The following ALG8 variants were observed in gnomAD, a reference collection of about 807,000 sequenced individuals.
ALG8 encodes dolichyl pyrophosphate Glc1Man9GlcNAc2 alpha-1,3-glucosyltransferase.
A neutral mutation model predicts 70.2 loss-of-function variants in ALG8; 48 were observed. The observed-to-expected ratio is 0.68, with a 90% CI of 0.54 to 0.87. The LOEUF (loss-of-function observed/expected upper bound fraction) is 0.87. ALG8 is among the 40% of genes least tolerant of loss of function. The pLI is 0.00. For synonymous variants in ALG8, 234 were observed against 229.0 expected (o/e 1.02, Z -0.20); for missense variants, 572 against 608.7 (o/e 0.94, Z 0.64).
In ALG8 at chr11:78,113,727, A is replaced by C. The variant is rs12420029; in HGVS notation, c.777+159T>G. On this transcript the variant is annotated intron_variant, in intron 7 of 12. Transcript: ENST00000299626. ...GACTCCATCTTAAACAAAAACAAAA[A>C]AAAAAAAGGAATACTGCCCTATCTT... Among the ~76,000 whole-genome samples the C allele has an allele frequency of 1.3e-4, 19 of 151,656 alleles. No individual in the cohort carries two copies. The East Asian group carries it at 1.6e-3, about 12-fold the overall frequency.
At chr11:78,123,225 G>C (rs573238865) in intron 3 of ALG8, among the ~76,000 whole-genome samples, 32 of 143,278 alleles carry the variant, frequency 2.2e-4, no homozygotes, top group African/African-American at 8.0e-4. Context: ...AGAACTGCTT[G>C]AACCCGAGAG....
chr11:78,120,240 C>A (rs1214344233), intron 4 of ALG8, among the ~76,000 whole-genome samples: 1 of 152,066 alleles, frequency 6.6e-6, no homozygotes, highest in South Asian at 2.1e-4. Context: ...GTTTTTCCTA[C>A]CTTTTCTACC....
intron 1 of ALG8, among the ~76,000 whole-genome samples, chr11:78,137,995 G>A (rs1382562894): frequency 1.3e-5 from 2 of 152,134 alleles, no homozygotes; most frequent in African/African-American, 4.8e-5. Flanking sequence ...TCCTGTACAT[G>A]TGCTGCCAAA....
rs571884977 is a variant in ALG8 at position 78,112,546 on chromosome 11, C to T, written c.898+104G>A. Reference sequence around the variant, plus strand: ...AAAGCTGAAATGCAGGACTGGAGAACAAACAATTCAGCCACATTCAAAACA... The same window carrying T: ...AAAGCTGAAATGCAGGACTGGAGAATAAACAATTCAGCCACATTCAAAACA... On this transcript the variant is annotated intron_variant, in intron 8 of 12. Coordinates refer to ENST00000299626, the MANE Select transcript of ALG8 (RefSeq NM_024079.5). 1.9e-6 allele frequency: 3 copies of T among 1,552,672 alleles called. No homozygotes were observed. The East Asian group carries it at 7.0e-5, about 36-fold the overall frequency.
At chr11:78,104,100 G>C (rs370443064) in intron 11 of ALG8, 48 bp from the exon 12 acceptor site, 43 of 1,186,040 alleles carry the variant, frequency 3.6e-5, no homozygotes, top group Non-Finnish European at 1.5e-5. Context: ...ATGACAGAAA[G>C]ACTTATGATG....
At chr11:78,136,245 T>G (rs1180452525) in intron 1 of ALG8, among the ~76,000 whole-genome samples, 1 of 151,904 alleles carries the variant, frequency 6.6e-6, no homozygotes, top group Non-Finnish European at 1.5e-5. Context: ...AAGGGCTCAC[T>G]TGAGCCCAGG....
At chr11:78,131,634 C>T (rs1861313600) in intron 1 of ALG8, among the ~76,000 whole-genome samples, 1 of 151,940 alleles carries the variant, frequency 6.6e-6, no homozygotes, top group Non-Finnish European at 1.5e-5. Context: ...CCAGCTAATT[C>T]TTTGTATTTT....
intron 8 of ALG8, among the ~76,000 whole-genome samples, chr11:78,109,990 C>A (rs534777780): frequency 1.3e-5 from 2 of 152,256 alleles, no homozygotes; most frequent in East Asian, 3.9e-4. Flanking sequence ...CGCCCCTTCC[C>A]CCCTGTTCAA....
intron 1 of ALG8, among the ~76,000 whole-genome samples, chr11:78,134,946 G>A (rs543875918): frequency 6.6e-6 from 1 of 152,284 alleles, no homozygotes; most frequent in South Asian, 2.1e-4. Context: ...AATCATGAAT[G>A]TTCTTAATAG....
Position 78,129,692 on chromosome 11 carries a change from T to C in ALG8, c.96-2256A>G, listed in dbSNP as rs75061199. Among the ~76,000 whole-genome samples, 497 of 152,322 alleles carry C rather than the reference T, an allele frequency of 3.3e-3. 5 individuals are homozygous for C. Among genetic ancestry groups the C allele is most frequent in the African/African-American group, 0.012 (478 of 41,546 alleles). On this transcript the variant is annotated intron_variant, in intron 1 of 12. Transcript: ENST00000299626. Reference sequence around the variant, plus strand: ...AAGTATACAGTGATGTTCTAGAGGCTACATAATGTGATGTCATCACTCTGA... The same window carrying C: ...AAGTATACAGTGATGTTCTAGAGGCCACATAATGTGATGTCATCACTCTGA...
At chr11:78,138,976 CTTAT>C in intron 1 of ALG8, 1 of 345,564 alleles carries the variant, frequency 2.9e-6, no homozygotes, top group South Asian at 2.3e-5. Flanking sequence ...TTCCACATCA[CTTAT>C]TCTTTTTCAT....
chr11:78,123,558 T>C (rs893766702), intron 3 of ALG8, among the ~76,000 whole-genome samples: 1 of 152,140 alleles, frequency 6.6e-6, no homozygotes, highest in Non-Finnish European at 1.5e-5. Flanking sequence ...CTCAGTGAAA[T>C]TTCTTGAGTT....
chr11:78,123,487 G>A (rs866861181), intron 3 of ALG8, among the ~76,000 whole-genome samples: 2 of 151,968 alleles, frequency 1.3e-5, no homozygotes, highest in South Asian at 2.1e-4. Flanking sequence ...TAAAATATAA[G>A]CATAACTTAA....
chr11:78,102,075 A>G (rs1859821343), intron 12 of ALG8, among the ~76,000 whole-genome samples: 2 of 152,210 alleles, frequency 1.3e-5, no homozygotes, highest in Admixed American at 1.3e-4. Context: ...TTGGTAAAAT[A>G]TATATAACAT....
Position 78,107,081 on chromosome 11 carries a change from T to A in ALG8, c.1039-135A>T, listed in dbSNP as rs893475059. ...GACAATTCTTCATGAAACCGAATCA[T>A]TCATCACTTTGTGCACAGTCTAACA... On this transcript the variant is annotated intron_variant, in intron 9 of 12. Transcript: ENST00000299626. 6.1e-6 allele frequency: 7 copies of A among 1,145,532 alleles called. No homozygotes were observed. In the African/African-American group the frequency reaches 1.1e-4, roughly 18 times the overall value. The allele number at this position is 1,145,532 out of a possible 1,614,324, so 71.0% of individuals were successfully genotyped here. A position where few individuals can be genotyped will look rare whatever the true frequency, so the allele number is the denominator to read the frequency against.
intron 9 of ALG8, 114 bp from the exon 10 acceptor site, chr11:78,107,060 A>G: frequency 7.8e-7 from 1 of 1,275,468 alleles, no homozygotes; most frequent in Non-Finnish European, 1.1e-6. Flanking sequence ...ATCTTAGACA[A>G]TTCTTCATGA....
At chr11:78,109,663 A>T in intron 8 of ALG8, 82 bp from the exon 9 acceptor site, 1 of 1,347,648 alleles carries the variant, frequency 7.4e-7, no homozygotes. Context: ...TCCTTGAGGA[A>T]TAAAAAGTAA....
At chr11:78,129,897 G>A (rs1590838889) in intron 1 of ALG8, among the ~76,000 whole-genome samples, 4 of 151,886 alleles carry the variant, frequency 2.6e-5, no homozygotes, top group African/African-American at 7.3e-5. Context: ...TGATAAGAAT[G>A]AAAAAACAGT....
At chr11:78,104,207 A>G in intron 11 of ALG8, 149 bp downstream of exon 11, 1 of 946,064 alleles carries the variant, frequency 1.1e-6, no homozygotes, top group Non-Finnish European at 1.6e-6. Context: ...GATGCTGAGA[A>G]TTACAGGAAA....
Sources: gnomAD v4.1 joint callset for allele counts (sites outside exome capture counted in the v4.1 genomes callset) on GRCh38, gnomAD v4.1.1 for gene constraint, MANE v1.5 for transcripts, NCBI Gene and HGNC (gene_info 2026-07-23, HGNC 2026-07-21) for gene names.